NLGN1: variants seen among roughly 807,000 people sequenced by gnomAD.
NLGN1 encodes neuroligin-1.
Under a neutral mutation model 65.5 loss-of-function variants are expected in NLGN1, and 12 were observed. The observed-to-expected ratio is 0.18, with a 90% CI of 0.12 to 0.30. The LOEUF (loss-of-function observed/expected upper bound fraction) is 0.30, where lower values mean the gene tolerates loss of function less well. Ranked by LOEUF, NLGN1 falls within the 10% of genes least tolerant of loss-of-function variation. The pLI, the probability that NLGN1 is intolerant of heterozygous loss-of-function variation, is 1.00. For missense variants in NLGN1, 750 were observed against 1,007.1 expected, an observed-to-expected ratio of 0.74 and a Z score of 3.46; for synonymous variants, 350 against 359.5, an observed-to-expected ratio of 0.97 and a Z score of 0.30.
chr3:174,248,529 G>A (rs1364588414), intron 4 of NLGN1, among the ~76,000 whole-genome samples: 2 of 152,324 alleles, frequency 1.3e-5, no homozygotes, highest in African/African-American at 4.8e-5. Context: ...GGAGGCCGAG[G>A]CAGGCGGATC....
At chr3:174,237,767 G>A (rs1742018570) in intron 4 of NLGN1, among the ~76,000 whole-genome samples, 1 of 152,108 alleles carries the variant, frequency 6.6e-6, no homozygotes. Context: ...ATTTTGGCCA[G>A]GCTGGTCTCA....
intron 4 of NLGN1, among the ~76,000 whole-genome samples, chr3:173,841,225 A>C (rs952513903): frequency 1.4e-4 from 22 of 152,168 alleles, no homozygotes; most frequent in African/African-American, 4.8e-4. Context: ...ATTTGTAGCA[A>C]TATTACAAGT....
intron 4 of NLGN1, among the ~76,000 whole-genome samples, chr3:173,826,435 T>C (rs1332571815): frequency 1.3e-5 from 2 of 152,024 alleles, no homozygotes; most frequent in East Asian, 1.9e-4. Flanking sequence ...GACTGGGAAA[T>C]AGAAGGAAAC....
At chr3:173,812,849 C>CT (rs1718251940) in intron 4 of NLGN1, among the ~76,000 whole-genome samples, 2 of 148,418 alleles carry the variant, frequency 1.3e-5, no homozygotes, top group African/African-American at 2.5e-5. Context: ...ATCAGTAACA[C>CT]TTGTTTTCAG....
intron 1 of NLGN1, among the ~76,000 whole-genome samples, chr3:173,402,977 A>T (rs974682611): frequency 1.3e-5 from 2 of 152,110 alleles, no homozygotes; most frequent in Non-Finnish European, 2.9e-5. Context: ...GGCAATAACT[A>T]TCTAGGGCTC....
At chr3:173,616,676 C>T (rs537580634) in intron 3 of NLGN1, among the ~76,000 whole-genome samples, 19 of 152,212 alleles carry the variant, frequency 1.2e-4, no homozygotes, top group East Asian at 7.8e-4. Context: ...CCCTGGTGCA[C>T]GCTCTCCTTC....
intron 2 of NLGN1, among the ~76,000 whole-genome samples, chr3:173,476,571 A>G (rs1467041593): frequency 1.3e-5 from 2 of 152,166 alleles, no homozygotes; most frequent in East Asian, 1.9e-4. Flanking sequence ...GGAACTGTGT[A>G]ATGAGTAGAT....
At chr3:173,504,437 AT>A (rs35761463) in intron 2 of NLGN1, among the ~76,000 whole-genome samples, 2 of 152,132 alleles carry the variant, frequency 1.3e-5, no homozygotes, top group African/African-American at 4.8e-5. Context: ...TCAGATTTAC[AT>A]TTTCAACGTC....
At chr3:174,015,728 G>A (rs959011205) in intron 4 of NLGN1, among the ~76,000 whole-genome samples, 1 of 152,084 alleles carries the variant, frequency 6.6e-6, no homozygotes, top group African/African-American at 2.4e-5. Flanking sequence ...TGGTTAGATG[G>A]CCTGCCCAAG....
chr3:174,246,700 T>C (rs1281342334), intron 4 of NLGN1, among the ~76,000 whole-genome samples: 1 of 152,058 alleles, frequency 6.6e-6, no homozygotes, highest in Non-Finnish European at 1.5e-5. Flanking sequence ...ATTACAGGTG[T>C]GAGCCACTGT....
intron 4 of NLGN1, among the ~76,000 whole-genome samples, chr3:174,046,468 G>A (rs1189032538): frequency 6.6e-6 from 1 of 151,880 alleles, no homozygotes; most frequent in Non-Finnish European, 1.5e-5. Context: ...GAGCTTCTGG[G>A]ATTTGCTCTT....
At chr3:173,477,633 A>C (rs1368140200) in intron 2 of NLGN1, among the ~76,000 whole-genome samples, 2 of 152,196 alleles carry the variant, frequency 1.3e-5, no homozygotes, top group East Asian at 3.9e-4. Flanking sequence ...TCCTGAAGGG[A>C]TCTGAAACTG....
intron 2 of NLGN1, among the ~76,000 whole-genome samples, chr3:173,587,135 C>T (rs1747601643): frequency 6.6e-6 from 1 of 152,152 alleles, no homozygotes; most frequent in South Asian, 2.1e-4. Flanking sequence ...GTAGTCATTG[C>T]ATGTGCCATA....
intron 4 of NLGN1, among the ~76,000 whole-genome samples, chr3:173,845,596 G>GTGGATGGA (rs1725588501): frequency 7.0e-6 from 1 of 143,414 alleles, no homozygotes. Flanking sequence ...AGACAGATAG[G>GTGGATGGA]TAGGTGGATG....
At chr3:173,539,718 A>G (rs9834371) in intron 2 of NLGN1, among the ~76,000 whole-genome samples, 4,350 of 127,442 alleles carry the variant, frequency 0.034, 363 homozygotes, top group African/African-American at 0.14. Context: ...ACATATATGT[A>G]CATATGCACA....
At chr3:173,922,069 T>C (rs1392976060) in intron 4 of NLGN1, among the ~76,000 whole-genome samples, 1 of 152,148 alleles carries the variant, frequency 6.6e-6, no homozygotes, top group Non-Finnish European at 1.5e-5. Context: ...AGTTATTTGC[T>C]ACTTTAATCA....
At chr3:173,443,547 G>GT (rs1282536962) in intron 2 of NLGN1, among the ~76,000 whole-genome samples, 5 of 152,010 alleles carry the variant, frequency 3.3e-5, no homozygotes, top group African/African-American at 1.2e-4. Flanking sequence ...TGTATGTGCA[G>GT]TATCAATAAG....
chr3:173,770,874 C>T (rs973327739), intron 3 of NLGN1, among the ~76,000 whole-genome samples: 1 of 152,118 alleles, frequency 6.6e-6, no homozygotes, highest in East Asian at 1.9e-4. Context: ...CATGAAGAGG[C>T]TTTCAACCTT....
intron 4 of NLGN1, among the ~76,000 whole-genome samples, chr3:174,132,731 C>T (rs554445025): frequency 2.6e-4 from 39 of 152,164 alleles, no homozygotes; most frequent in Middle Eastern, 3.4e-3. Flanking sequence ...TTTATATGAT[C>T]GCAACAAGGA....
Sources: gnomAD v4.1 joint callset for allele counts (sites outside exome capture counted in the v4.1 genomes callset) on GRCh38, gnomAD v4.1.1 for gene constraint, MANE v1.5 for transcripts, NCBI Gene and HGNC (gene_info 2026-07-23, HGNC 2026-07-21) for gene names.